The following SOX5 variants were observed in gnomAD, a reference collection of about 807,000 sequenced individuals.
SOX5 encodes the protein SRY-box transcription factor 5.
Under a neutral mutation model 92.0 loss-of-function variants are expected in SOX5, and 9 were observed. The observed-to-expected ratio is 0.10, with a 90% CI of 0.06 to 0.17. The LOEUF is 0.17. Among genes scored for constraint, SOX5 ranks in the 10% least tolerant of loss-of-function variants. The probability of loss-of-function intolerance (pLI) is 1.00; values close to 1 mark genes in which losing one functional copy is unlikely to be tolerated. For synonymous variants in SOX5, 344 were observed against 336.3 expected, an observed-to-expected ratio of 1.02 and a Z score of -0.25; for missense variants, 642 against 944.5, an observed-to-expected ratio of 0.68 and a Z score of 4.20.
intron 2 of SOX5, among the ~76,000 whole-genome samples, chr12:24,281,542 A>G (rs1460488229): frequency 1.3e-5 from 2 of 152,258 alleles, no homozygotes; most frequent in Admixed American, 1.3e-4. Flanking sequence ...TGTGCCACAT[A>G]AATATGCATT....
At chr12:24,063,684 T>C (rs1043315611) in intron 4 of SOX5, among the ~76,000 whole-genome samples, 6 of 152,180 alleles carry the variant, frequency 3.9e-5, no homozygotes, top group East Asian at 1.9e-4. Flanking sequence ...CTGAATATTA[T>C]AATATACCTG....
At chr12:23,622,536 A>T (rs201062544) in intron 8 of SOX5, among the ~76,000 whole-genome samples, 4 of 142,694 alleles carry the variant, frequency 2.8e-5, no homozygotes, top group East Asian at 2.1e-4. Flanking sequence ...TGATTTTTTT[A>T]AAATGAAGAA....
intron 4 of SOX5, among the ~76,000 whole-genome samples, chr12:24,051,359 A>G (rs1328840168): frequency 6.6e-6 from 1 of 152,212 alleles, no homozygotes; most frequent in Non-Finnish European, 1.5e-5. Flanking sequence ...ATAGTCTAGT[A>G]CACACACATA....
chr12:24,201,655 C>T (rs141605909), intron 4 of SOX5, among the ~76,000 whole-genome samples: 1 of 152,162 alleles, frequency 6.6e-6, no homozygotes, highest in Non-Finnish European at 1.5e-5. Flanking sequence ...AAGTTGCTAT[C>T]GATCCTTTAC....
Position 24,506,939 on chromosome 12 carries a change from C to T in SOX5, c.-251+55390G>A, listed in dbSNP as rs564379315. 5.3e-5 allele frequency among the ~76,000 whole-genome samples: 8 copies of T among 151,682 alleles called. No individual in the cohort carries two copies. In the East Asian group the frequency reaches 5.8e-4, roughly 11 times the overall value. On this transcript the variant is annotated intron_variant, in intron 1 of 4. Coordinates refer to the SOX5 transcript ENST00000446891. ...CCAAGTAGCTGGGACTACAGGCGCC[C>T]GCCACTGCACCCGGCTAATTTTTTG...
chr12:23,964,300 A>G (rs1947296603), intron 4 of SOX5, among the ~76,000 whole-genome samples: 1 of 152,122 alleles, frequency 6.6e-6, no homozygotes, highest in Admixed American at 6.5e-5. Context: ...TTTTTTCACT[A>G]TCCCTATATA....
intron 6 of SOX5, among the ~76,000 whole-genome samples, chr12:23,715,255 T>C (rs1451825899): frequency 6.7e-6 from 1 of 148,926 alleles, no homozygotes; most frequent in Non-Finnish European, 1.5e-5. Flanking sequence ...GCCGAGATAG[T>C]GCCACTGCAG....
rs1232348302 is a variant in SOX5, at chr12:24,263,539, AACAAAAAAAAAAAC to A, written c.-77+13663_-77+13676del. ...CGAGACTCCGTCTCAAAAAAAAAAAAACAAAAAAAAAAACAAAAACAAGAAATTACTAAAAGGAA... is the reference window on the plus strand; with the variant it reads ...CGAGACTCCGTCTCAAAAAAAAAAAAAAAAACAAGAAATTACTAAAAGGAA... On this transcript the variant is annotated intron_variant, in intron 3 of 4. Coordinates refer to the SOX5 transcript ENST00000446891. 4.6e-4 allele frequency among the ~76,000 whole-genome samples: 63 copies of A among 135,830 alleles called. 1 individual carries two copies. The highest frequency in any genetic ancestry group is 8.2e-4 in the Non-Finnish European group (51 of 62,056). 89.1% of individuals were successfully genotyped at this position (135,830 alleles called of 152,430 possible).
chr12:23,859,042 C>A (rs1002252791), intron 2 of SOX5, among the ~76,000 whole-genome samples: 3 of 152,122 alleles, frequency 2.0e-5, no homozygotes, highest in Non-Finnish European at 2.9e-5. Flanking sequence ...CACTTCAGGA[C>A]CCTGTGATGA....
intron 1 of SOX5, among the ~76,000 whole-genome samples, chr12:23,911,981 T>C (rs575282389): frequency 7.2e-5 from 11 of 152,136 alleles, no homozygotes; most frequent in African/African-American, 1.9e-4. Flanking sequence ...ACTTTTGCAC[T>C]GAATATGATG....
At chr12:23,852,113 A>G (rs540963530) in intron 2 of SOX5, among the ~76,000 whole-genome samples, 2 of 152,268 alleles carry the variant, frequency 1.3e-5, no homozygotes, top group South Asian at 4.1e-4. Flanking sequence ...GAATCCTTAG[A>G]AACATTTATT....
At chr12:23,738,231 A>G (rs189724414) in intron 5 of SOX5, among the ~76,000 whole-genome samples, 8 of 152,330 alleles carry the variant, frequency 5.3e-5, no homozygotes, top group Admixed American at 5.2e-4. Flanking sequence ...ATTAGAATAC[A>G]TAGAATGGGG....
chr12:23,917,155 T>C (rs980272445), intron 1 of SOX5, among the ~76,000 whole-genome samples: 2 of 152,220 alleles, frequency 1.3e-5, no homozygotes, highest in African/African-American at 4.8e-5. Context: ...CAATGCTATA[T>C]AATATACAAT....
chr12:24,257,905 T>C (rs1941473034), intron 3 of SOX5, among the ~76,000 whole-genome samples: 1 of 151,812 alleles, frequency 6.6e-6, no homozygotes, highest in Non-Finnish European at 1.5e-5. Context: ...TCAGGCGCCA[T>C]GGCTCACGCC....
intron 4 of SOX5, among the ~76,000 whole-genome samples, chr12:24,181,913 C>T (rs1372943290): frequency 1.3e-5 from 2 of 152,122 alleles, no homozygotes; most frequent in Admixed American, 1.3e-4. Flanking sequence ...AATAGGTATG[C>T]TTCCAAACCA....
chr12:24,174,152 C>A (rs1038033213), intron 4 of SOX5, among the ~76,000 whole-genome samples: 1 of 152,072 alleles, frequency 6.6e-6, no homozygotes, highest in African/African-American at 2.4e-5. Context: ...TGTGCCCCAC[C>A]ATACCTGGTT....
At chr12:24,293,795 A>C (rs893596481) in intron 2 of SOX5, among the ~76,000 whole-genome samples, 4 of 152,158 alleles carry the variant, frequency 2.6e-5, no homozygotes, top group Non-Finnish European at 5.9e-5. Flanking sequence ...GTTTCTGAAA[A>C]TTCTACTTTT....
chr12:24,158,822 A>G (rs1952462401), intron 4 of SOX5, among the ~76,000 whole-genome samples: 2 of 152,018 alleles, frequency 1.3e-5, no homozygotes, highest in South Asian at 4.1e-4. Flanking sequence ...CTAAGCAAGT[A>G]TGTCATTTAT....
chr12:24,331,873 A>AAAAAAAAAAAAAAAAAAAAT (rs777785887), intron 2 of SOX5, among the ~76,000 whole-genome samples: 2 of 141,200 alleles, frequency 1.4e-5, no homozygotes, highest in Non-Finnish European at 3.2e-5. Flanking sequence ...AAAAAAAAAA[A>AAAAAAAAAAAAAAAAAAAAT]AAGGAAAGAA....
Sources: allele counts gnomAD v4.1 joint callset (sites outside exome capture counted in the v4.1 genomes callset), GRCh38; gene constraint gnomAD v4.1.1; transcripts MANE v1.5; gene names NCBI Gene and HGNC (gene_info 2026-07-23, HGNC 2026-07-21).